The following NRG3 variants were observed in gnomAD, a reference collection of about 807,000 sequenced individuals.
The protein encoded by NRG3 is neuregulin 3, also known as pro-neuregulin-3, membrane-bound isoform.
Under a neutral mutation model 66.9 loss-of-function variants are expected in NRG3, and 31 were observed. The ratio of observed to expected loss-of-function variants is 0.46; its 90% CI spans 0.35 to 0.63. The LOEUF (loss-of-function observed/expected upper bound fraction) is 0.63. NRG3 is among the 20% of genes least tolerant of loss of function. The pLI is 0.00. For synonymous variants in NRG3, 393 were observed against 359.4 expected, an observed-to-expected ratio of 1.09 and a Z score of -1.06; for missense variants, 910 against 878.9, an observed-to-expected ratio of 1.04 and a Z score of -0.45.
intron 1 of NRG3, among the ~76,000 whole-genome samples, chr10:82,308,639 C>T (rs2080870054): frequency 6.6e-6 from 1 of 152,110 alleles, no homozygotes; most frequent in Admixed American, 6.5e-5. Context: ...CATGTTTATA[C>T]CAATATTCCT....
At chr10:82,958,928 C>T (rs567437733) in intron 5 of NRG3, 21 bp from the exon 6 acceptor site, 78 of 1,539,764 alleles carry the variant, frequency 5.1e-5, no homozygotes, top group South Asian at 2.2e-4. Flanking sequence ...AATATTTGTA[C>T]ACGTTTATTT....
chr10:82,830,815 A>G (rs1346362380), intron 3 of NRG3, among the ~76,000 whole-genome samples: 1 of 152,172 alleles, frequency 6.6e-6, no homozygotes, highest in Non-Finnish European at 1.5e-5. Flanking sequence ...TTGAGTTCCT[A>G]AAGCCATGGT....
chr10:82,345,990 T>A (rs1410179745), intron 1 of NRG3, among the ~76,000 whole-genome samples: 1 of 152,192 alleles, frequency 6.6e-6, no homozygotes, highest in African/African-American at 2.4e-5. Context: ...TTTCTAGATA[T>A]ACAATCATGT....
At chr10:82,858,024 T>C (rs1591746973) in intron 3 of NRG3, among the ~76,000 whole-genome samples, 1 of 152,192 alleles carries the variant, frequency 6.6e-6, no homozygotes, top group Non-Finnish European at 1.5e-5. Flanking sequence ...GACAGTTCCC[T>C]GTGCTCCTTT....
At chr10:82,311,393 C>T (rs939531329) in intron 1 of NRG3, among the ~76,000 whole-genome samples, 7 of 152,148 alleles carry the variant, frequency 4.6e-5, no homozygotes, top group African/African-American at 1.7e-4. Flanking sequence ...CTTCTCTTGT[C>T]TTCTTCTCTT....
chr10:82,848,456 T>C (rs2063410791), intron 3 of NRG3, among the ~76,000 whole-genome samples: 1 of 152,164 alleles, frequency 6.6e-6, no homozygotes, highest in African/African-American at 2.4e-5. Context: ...TTACCCACAT[T>C]GTATCTAGGA....
chr10:82,143,787 T>G (rs2070007705), intron 1 of NRG3, among the ~76,000 whole-genome samples: 1 of 152,316 alleles, frequency 6.6e-6, no homozygotes, highest in East Asian at 1.9e-4. Context: ...CCCAGCACTT[T>G]GAGAGTCTCA....
intron 7 of NRG3, among the ~76,000 whole-genome samples, chr10:82,975,576 T>G (rs1852176236): frequency 6.6e-6 from 1 of 152,222 alleles, no homozygotes; most frequent in South Asian, 2.1e-4. Flanking sequence ...TGTGTCCTGA[T>G]AGATGGGCAA....
intron 2 of NRG3, among the ~76,000 whole-genome samples, chr10:82,520,934 C>T (rs908936599): frequency 1.3e-5 from 2 of 152,002 alleles, no homozygotes; most frequent in Non-Finnish European, 2.9e-5. Flanking sequence ...TACAGGATTG[C>T]CAGTTAAAAT....
intron 3 of NRG3, among the ~76,000 whole-genome samples, chr10:82,838,611 TC>T (rs1392625588): frequency 6.6e-6 from 1 of 152,080 alleles, no homozygotes. Context: ...GTGAATTTGT[TC>T]TTTATATGAA....
At chr10:82,443,851 AAC>A (rs1334147628) in intron 2 of NRG3, among the ~76,000 whole-genome samples, 4 of 152,196 alleles carry the variant, frequency 2.6e-5, no homozygotes, top group Non-Finnish European at 5.9e-5. Context: ...TGATGTGATA[AAC>A]ACAGAGTTCC....
At chr10:82,427,278 G>A (rs373236412) in intron 2 of NRG3, among the ~76,000 whole-genome samples, 8 of 152,176 alleles carry the variant, frequency 5.3e-5, no homozygotes, top group Admixed American at 1.3e-4. Flanking sequence ...GGGGGAAAGC[G>A]CTCTATCTTG....
intron 1 of NRG3, among the ~76,000 whole-genome samples, chr10:82,333,767 G>C (rs3862549): frequency 0.18 from 27,309 of 152,048 alleles, 2,810 homozygotes; most frequent in East Asian, 0.3. Flanking sequence ...GAGTCTGAGT[G>C]TCCTTATTCT....
intron 1 of NRG3, among the ~76,000 whole-genome samples, chr10:82,277,941 T>C (rs1354015973): frequency 2.0e-5 from 3 of 152,080 alleles, no homozygotes; most frequent in Admixed American, 2.0e-4. Flanking sequence ...AATAAGATGA[T>C]AGACTTGATG....
intron 1 of NRG3, among the ~76,000 whole-genome samples, chr10:82,243,984 ATGC>A (rs1037040016): frequency 6.2e-4 from 95 of 152,276 alleles, no homozygotes; most frequent in Middle Eastern, 6.8e-3. Flanking sequence ...GTTAATTATG[ATGC>A]TATACTTTTT....
intron 2 of NRG3, among the ~76,000 whole-genome samples, chr10:82,421,103 T>C (rs1461497367): frequency 6.6e-6 from 1 of 152,110 alleles, no homozygotes; most frequent in Non-Finnish European, 1.5e-5. Flanking sequence ...CTCATACAAC[T>C]GTATAGCAAT....
chr10:82,344,892 C>G (rs1432210191), intron 1 of NRG3, among the ~76,000 whole-genome samples: 1 of 117,508 alleles, frequency 8.5e-6, no homozygotes, highest in African/African-American at 5.8e-5. Context: ...TGTCCTTCGC[C>G]CACTTTTTGA....
chr10:82,907,788 T>A (rs1844898429), intron 4 of NRG3, among the ~76,000 whole-genome samples: 1 of 152,210 alleles, frequency 6.6e-6, no homozygotes, highest in Non-Finnish European at 1.5e-5. Flanking sequence ...ATAAATACAA[T>A]GTAAGTAGAA....
chr10:82,185,751 AGAGTCTTTCCACATTACTTCAGAAAT>A (rs1004598328), intron 1 of NRG3, among the ~76,000 whole-genome samples: 19 of 152,324 alleles, frequency 1.2e-4, no homozygotes, highest in Non-Finnish European at 4.4e-5. Context: ...TGTTGACTCA[AGAGTCTTTCCACATTACTTCAGAAAT>A]GCTCCAGGAC....
Sources: gnomAD v4.1 joint callset for allele counts (sites outside exome capture counted in the v4.1 genomes callset) on GRCh38, gnomAD v4.1.1 for gene constraint, MANE v1.5 for transcripts, NCBI Gene and HGNC (gene_info 2026-07-23, HGNC 2026-07-21) for gene names.